ABCB4: variants seen among roughly 807,000 people sequenced by gnomAD.
The protein encoded by ABCB4 is phosphatidylcholine translocator ABCB4.
Under a neutral mutation model 145.7 loss-of-function variants are expected in ABCB4, and 76 were observed. The observed-to-expected ratio is 0.52, with a 90% confidence interval of 0.43 to 0.63. The LOEUF (loss-of-function observed/expected upper bound fraction) is 0.63. Ranked by LOEUF, ABCB4 falls within the 30% of genes least tolerant of loss-of-function variation. ABCB4 has a pLI of 0.00. For missense variants in ABCB4, 1,234 were observed against 1,553.1 expected (o/e 0.79, Z 3.45); for synonymous variants, 517 against 566.8 (o/e 0.91, Z 1.25).
chr7:87,418,590 T>C lies in ABCB4; in HGVS notation c.2425A>G (p.Ser809Gly), dbSNP rs1188412919. ...DMSWFDDHKNSTGALSTRLAT... is the reference protein window; with the variant it reads ...DMSWFDDHKNGTGALSTRLAT... ...AGTCTTGTAGAAAGTGCACCAGTAC[T>C]GTTTTTATGGTCATCAAACCAGCTC... Residue 809 changes from serine (S) to glycine (G), a missense_variant, in exon 20 of 28, where the codon AGT becomes GGT. By Grantham distance (56) the Ser-to-Gly change is moderately conservative. Coordinates refer to ENST00000649586, the MANE Select transcript of ABCB4 (RefSeq NM_000443.4). 4 of 1,614,068 alleles carry C rather than the reference T, an allele frequency of 2.5e-6. No homozygotes were observed. The African/African-American group carries it at 5.3e-5, about 22-fold the overall frequency.
At chr7:87,370,811 A>G in the ABCB4 span, among the ~76,000 whole-genome samples, 1 of 152,230 alleles carries the variant, frequency 6.6e-6, no homozygotes, top group Admixed American at 6.5e-5. Flanking sequence ...CTTTTGGTGT[A>G]CACATGCATG....
chr7:87,454,451 G>A (rs1372321152), intron 5 of ABCB4, 84 bp downstream of exon 5: 10 of 1,121,224 alleles, frequency 8.9e-6, no homozygotes, highest in Middle Eastern at 2.1e-4. Context: ...AAGAGTACAC[G>A]TTATTTGTAT....
At chr7:87,455,007 T>G (rs1812017971) in intron 4 of ABCB4, among the ~76,000 whole-genome samples, 1 of 151,786 alleles carries the variant, frequency 6.6e-6, no homozygotes, top group Non-Finnish European at 1.5e-5. Flanking sequence ...TTTTTTTTTT[T>G]GGTGGCTCAA....
intron 17 of ABCB4, 160 bp downstream of exon 17, chr7:87,423,746 C>A: frequency 1.2e-6 from 1 of 809,560 alleles, no homozygotes. Flanking sequence ...GGCTACTTAT[C>A]TTTTCCCTCA....
In ABCB4 at chr7:87,408,199, G is replaced by A. The variant is rs779194886; in HGVS notation, c.3117C>T (p.Val1039=). 43 of 1,613,962 alleles carry A rather than the reference G, an allele frequency of 2.7e-5. No homozygotes were observed. Among genetic ancestry groups the A allele is most frequent in the African/African-American group, 4.0e-5 (3 of 74,900 alleles). The change falls in exon 25 of 28, where the codon GTC becomes GTT. Residue 1039 remains valine, a synonymous_variant. Transcript: ENST00000649586. The stretch of plus-strand genomic sequence containing the variant: ...TTGCTCGGGTGGGATAGTTGAACAC[G>A]ACTTCATTAAATGTTATATTTCCTT... ...KFEGNITFNE[V]VFNYPTRANV...
intron 22 of ABCB4, among the ~76,000 whole-genome samples, 191 bp downstream of exon 22, chr7:87,413,426 G>A (rs529236867): frequency 6.6e-6 from 1 of 152,290 alleles, no homozygotes; most frequent in Non-Finnish European, 1.5e-5. Context: ...TGCATAAGAT[G>A]TAAAAAATAT....
At chr7:87,394,737 C>CGAAGTTATTA in the ABCB4 span, among the ~76,000 whole-genome samples, 5 of 151,988 alleles carry the variant, frequency 3.3e-5, no homozygotes, top group Admixed American at 1.3e-4. Context: ...ATAGACTCTA[C>CGAAGTTATTA]TATGATTCTA....
chr7:87,468,878 C>T (rs1012408259), intron 3 of ABCB4, among the ~76,000 whole-genome samples: 18 of 148,500 alleles, frequency 1.2e-4, no homozygotes, highest in Middle Eastern at 3.5e-3. Flanking sequence ...TTGCAGTGAG[C>T]CCAGATAGCG....
At chr7:87,402,492 T>C in intron 27 of ABCB4, among the ~76,000 whole-genome samples, 190 bp from the exon 28 acceptor site, 1 of 152,222 alleles carries the variant, frequency 6.6e-6, no homozygotes, top group Non-Finnish European at 1.5e-5. Flanking sequence ...GCTTTTTAAA[T>C]ATAACACAAA....
intron 2 of ABCB4, among the ~76,000 whole-genome samples, chr7:87,474,910 G>T (rs1662051481): frequency 6.6e-6 from 1 of 152,172 alleles, no homozygotes; most frequent in African/African-American, 2.4e-5. Context: ...AGGGGGAGGG[G>T]TAAGACAAGG....
At chr7:87,423,307 G>A (rs998693220) in intron 17 of ABCB4, among the ~76,000 whole-genome samples, 1 of 152,098 alleles carries the variant, frequency 6.6e-6, no homozygotes, top group Non-Finnish European at 1.5e-5. Context: ...TTCTTTCTTA[G>A]TCTTGGACTC....
At chr7:87,450,497 G>T (rs1430456185) in intron 7 of ABCB4, among the ~76,000 whole-genome samples, 54 of 146,700 alleles carry the variant, frequency 3.7e-4, no homozygotes, top group South Asian at 2.8e-3. Context: ...TTGAGACGGG[G>T]TCTCACTCTG....
At chr7:87,403,079 A>C in intron 27 of ABCB4, 56 bp downstream of exon 27, 1 of 1,592,022 alleles carries the variant, frequency 6.3e-7, no homozygotes, top group South Asian at 1.1e-5. Flanking sequence ...GGTTGACAGC[A>C]AAATCCCTTC....
At chr7:87,387,452 A>G in the ABCB4 span, among the ~76,000 whole-genome samples, 1 of 150,322 alleles carries the variant, frequency 6.7e-6, no homozygotes, top group Non-Finnish European at 1.5e-5. Flanking sequence ...TATTTCCAAC[A>G]TGAGCTATAC....
chr7:87,465,198 G>A (rs932100080), intron 3 of ABCB4, among the ~76,000 whole-genome samples: 2 of 152,204 alleles, frequency 1.3e-5, no homozygotes, highest in African/African-American at 4.8e-5. Context: ...TTTTCCAATG[G>A]TCTTAGCAAA....
the ABCB4 span, among the ~76,000 whole-genome samples, chr7:87,379,371 T>C: frequency 6.6e-6 from 1 of 152,150 alleles, no homozygotes; most frequent in Non-Finnish European, 1.5e-5. Context: ...CATTTGAGAG[T>C]TGTGTTTCAT....
In ABCB4 at chr7:87,437,043, T is replaced by C. The variant is rs1426976278; in HGVS notation, c.1731+2624A>G. The stretch of plus-strand genomic sequence containing the variant: ...GGAAGAGGTGACCTTCTTTTGCATG[T>C]GGAAGAAATGTAAATAATTGTGACA... On this transcript the variant is annotated intron_variant, in intron 14 of 27. Transcript: ENST00000649586. Among the ~76,000 whole-genome samples the C allele has an allele frequency of 3.9e-5, 6 of 152,288 alleles. No homozygotes were observed. In the East Asian group the frequency reaches 1.2e-3, roughly 29 times the overall value.
upstream of ABCB4, chr7:87,475,860 G>C (rs55976025): frequency 0.21 from 31,972 of 152,560 alleles, 5,251 homozygotes; most frequent in African/African-American, 0.46. Context: ...GGCCAGGGGC[G>C]CAGCCTGCCG....
the ABCB4 span, chr7:87,393,030 A>G: frequency 1.2e-6 from 2 of 1,613,522 alleles, no homozygotes; most frequent in South Asian, 1.1e-5. Flanking sequence ...CATGGTACAC[A>G]ATGGTTATGG....
Sources: allele counts gnomAD v4.1 joint callset (sites outside exome capture counted in the v4.1 genomes callset), GRCh38; gene constraint gnomAD v4.1.1; transcripts MANE v1.5; gene names NCBI Gene and HGNC (gene_info 2026-07-23, HGNC 2026-07-21).